The following DENND1B variants were observed in gnomAD, a reference collection of about 807,000 sequenced individuals.
The protein encoded by DENND1B is DENN domain-containing protein 1B.
DENND1B carries 59 observed loss-of-function variants against 90.1 expected under a neutral mutation model. That is an observed-to-expected ratio of 0.65 (90% CI 0.53 to 0.81). The LOEUF is 0.81. Among genes scored for constraint, DENND1B ranks in the 40% least tolerant of loss-of-function variants. DENND1B has a pLI of 0.00. For missense variants in DENND1B, 862 were observed against 912.6 expected (o/e 0.94, Z 0.71); for synonymous variants, 337 against 324.6 (o/e 1.04, Z -0.41).
intron 2 of DENND1B, among the ~76,000 whole-genome samples, chr1:197,720,305 T>C (rs1018599742): frequency 6.6e-6 from 1 of 152,120 alleles, no homozygotes; most frequent in South Asian, 2.1e-4. Flanking sequence ...GGCATGAGCA[T>C]GGCTCACTGC....
intron 20 of DENND1B, among the ~76,000 whole-genome samples, chr1:197,526,809 T>C (rs1204863151): frequency 3.3e-5 from 5 of 152,192 alleles, no homozygotes; most frequent in African/African-American, 7.2e-5. Context: ...GAATTATTTA[T>C]TTGATAGAAT....
At chr1:197,739,574 A>G (rs1422583681) in intron 2 of DENND1B, among the ~76,000 whole-genome samples, 2 of 152,236 alleles carry the variant, frequency 1.3e-5, no homozygotes, top group African/African-American at 2.4e-5. Flanking sequence ...AATCTAAATG[A>G]ACTCTAAATG....
At chr1:197,658,042 A>C (rs897178480) in intron 6 of DENND1B, among the ~76,000 whole-genome samples, 23 of 152,282 alleles carry the variant, frequency 1.5e-4, no homozygotes, top group Non-Finnish European at 1.5e-4. Flanking sequence ...AGATACATAG[A>C]CTATTCAGAT....
chr1:197,716,217 C>G (rs542694610), intron 2 of DENND1B, among the ~76,000 whole-genome samples: 1 of 151,706 alleles, frequency 6.6e-6, no homozygotes, highest in African/African-American at 2.4e-5. Context: ...GAGCTGGCTC[C>G]TCTTGTGTTT....
rs545382412 is a variant in DENND1B, at chr1:197,656,839, G to GA, written c.366+1460dup. ...TTAAAAAAAAAATCAAAGATTAAGG[G>GA]AAAAAAAAATTAAAATCATTATCCC... is the stretch of plus-strand genomic sequence containing the variant. On this transcript the variant is annotated intron_variant, in intron 6 of 22. Coordinates refer to ENST00000620048, the MANE Select transcript of DENND1B (RefSeq NM_001195215.2). 6.2e-3 allele frequency among the ~76,000 whole-genome samples: 923 copies of GA among 148,804 alleles called. 10 individuals carry two copies. Among genetic ancestry groups the GA allele is most frequent in the African/African-American group, 0.022 (883 of 39,742 alleles).
chr1:197,659,187 A>C (rs1161966209), intron 5 of DENND1B, among the ~76,000 whole-genome samples: 6 of 151,538 alleles, frequency 4.0e-5, no homozygotes, highest in Non-Finnish European at 5.9e-5. Flanking sequence ...TACTTTTAAG[A>C]GAAAATATTG....
chr1:197,758,200 T>C (rs1381431205), intron 2 of DENND1B, among the ~76,000 whole-genome samples: 1 of 152,200 alleles, frequency 6.6e-6, no homozygotes, highest in African/African-American at 2.4e-5. Flanking sequence ...AAATATCCTT[T>C]TCAAAGTGAA....
Position 197,510,129 on chromosome 1 carries a change from G to A in DENND1B, c.*331C>T. The A allele has an allele frequency of 4.0e-6, 1 of 247,876 alleles. No homozygotes were observed. The highest frequency in any genetic ancestry group is 7.8e-6 in the Non-Finnish European group (1 of 128,340). 15.4% of individuals were successfully genotyped at this position (247,876 alleles called of 1,614,324 possible). A position where few individuals can be genotyped will look rare whatever the true frequency, so the allele number is the denominator to read the frequency against. Reference sequence around the variant, plus strand: ...GTTCATGCTCAACCAGATTAGTATAGTAGCTACTGGTTATGTGCATGGGTT... The same window carrying A: ...GTTCATGCTCAACCAGATTAGTATAATAGCTACTGGTTATGTGCATGGGTT... On this transcript the variant is annotated 3_prime_UTR_variant, in exon 23 of 23. Transcript: ENST00000620048.
chr1:197,657,909 C>G (rs897815988), intron 6 of DENND1B, among the ~76,000 whole-genome samples: 2 of 152,036 alleles, frequency 1.3e-5, no homozygotes, highest in African/African-American at 4.8e-5. Context: ...GATATTCAGT[C>G]TTAAAAAGAA....
At chr1:197,511,655 A>G (rs1012308979) in intron 22 of DENND1B, 73 bp downstream of exon 22, 29 of 1,247,214 alleles carry the variant, frequency 2.3e-5, no homozygotes, top group Admixed American at 2.6e-5. Flanking sequence ...AACAAAGAGT[A>G]TAAGATCCAG....
At chr1:197,658,720 CAA>C (rs1291143098) in intron 5 of DENND1B, among the ~76,000 whole-genome samples, 1 of 151,056 alleles carries the variant, frequency 6.6e-6, no homozygotes, top group Admixed American at 6.6e-5. Context: ...GCTTTTAAAA[CAA>C]AAGATATCAA....
chr1:197,738,714 C>A (rs1256661444), intron 2 of DENND1B, among the ~76,000 whole-genome samples: 2 of 152,192 alleles, frequency 1.3e-5, no homozygotes, highest in Non-Finnish European at 2.9e-5. Flanking sequence ...CATCTGCTTC[C>A]AGCCAAGAGA....
At chr1:197,538,561 T>G (rs1670085498) in intron 20 of DENND1B, among the ~76,000 whole-genome samples, 1 of 151,818 alleles carries the variant, frequency 6.6e-6, no homozygotes, top group Non-Finnish European at 1.5e-5. Context: ...AACAGTCCCA[T>G]GAAAGCAGAG....
At chr1:197,738,454 T>TA (rs1300102638) in intron 2 of DENND1B, among the ~76,000 whole-genome samples, 1 of 152,208 alleles carries the variant, frequency 6.6e-6, no homozygotes, top group Non-Finnish European at 1.5e-5. Context: ...CCAGAGCTGA[T>TA]AAGTCAAACA....
intron 12 of DENND1B, among the ~76,000 whole-genome samples, chr1:197,608,410 T>C (rs1299062887): frequency 6.6e-6 from 1 of 150,674 alleles, no homozygotes; most frequent in East Asian, 1.9e-4. Flanking sequence ...ATAGTGATAC[T>C]ACTGCAAAAA....
intron 3 of DENND1B, among the ~76,000 whole-genome samples, chr1:197,714,800 G>C (rs1660479332): frequency 6.6e-6 from 1 of 151,974 alleles, no homozygotes; most frequent in Non-Finnish European, 1.5e-5. Flanking sequence ...TAAACATCTA[G>C]CTCCTATGAG....
In DENND1B at chr1:197,552,914, G is replaced by A. The variant is rs1187452244; in HGVS notation, c.1240+108C>T. On this transcript the variant is annotated intron_variant, in intron 16 of 22. Coordinates refer to ENST00000620048, the MANE Select transcript of DENND1B (RefSeq NM_001195215.2). Reference sequence around the variant, plus strand: ...ATGTATTTAAGACATTACATATTTAGGAGGAAATCATTAGTTGTTTATGAA... The same window carrying A: ...ATGTATTTAAGACATTACATATTTAAGAGGAAATCATTAGTTGTTTATGAA... 2.0e-6 allele frequency: 3 copies of A among 1,520,018 alleles called. No homozygotes were observed. In the Admixed American group the frequency reaches 8.0e-5, roughly 41 times the overall value. The allele number at this position is 1,520,018 out of a possible 1,614,324, so 94.2% of individuals were successfully genotyped here. A position where few individuals can be genotyped will look rare whatever the true frequency, so the allele number is the denominator to read the frequency against.
intron 20 of DENND1B, among the ~76,000 whole-genome samples, chr1:197,529,557 T>C (rs1669470316): frequency 6.6e-6 from 1 of 151,844 alleles, no homozygotes; most frequent in Non-Finnish European, 1.5e-5. Flanking sequence ...ACTAGTATAG[T>C]TGAGGTGTCT....
intron 14 of DENND1B, among the ~76,000 whole-genome samples, chr1:197,588,896 G>A (rs557777052): frequency 6.6e-6 from 1 of 152,016 alleles, no homozygotes; most frequent in African/African-American, 2.4e-5. Context: ...TTAATCATCA[G>A]CATCAAAATA....
Sources: allele counts gnomAD v4.1 joint callset (sites outside exome capture counted in the v4.1 genomes callset), GRCh38; gene constraint gnomAD v4.1.1; transcripts MANE v1.5; gene names NCBI Gene and HGNC (gene_info 2026-07-23, HGNC 2026-07-21).